Variants in FNDC3A observed in about 807,000 individuals in gnomAD.
FNDC3A encodes the protein fibronectin type-III domain-containing protein 3A.
A neutral mutation model predicts 148.9 loss-of-function variants in FNDC3A; 32 were observed. The observed-to-expected ratio is 0.21, with a 90% CI of 0.16 to 0.29. The LOEUF (loss-of-function observed/expected upper bound fraction) is 0.29, where lower values mean the gene tolerates loss of function less well. Among genes scored for constraint, FNDC3A ranks in the 10% least tolerant of loss-of-function variants. The pLI is 1.00. For missense variants in FNDC3A, 1,191 were observed against 1,452.8 expected (o/e 0.82, Z 2.93); for synonymous variants, 472 against 473.6 (o/e 1.00, Z 0.04).
chr13:49,105,076 C>A (rs1407752182), intron 3 of FNDC3A, among the ~76,000 whole-genome samples: 1 of 152,066 alleles, frequency 6.6e-6, no homozygotes, highest in East Asian at 1.9e-4. Context: ...AAAAACTCTT[C>A]CCAATCTATT....
intron 14 of FNDC3A, among the ~76,000 whole-genome samples, chr13:49,181,634 C>A (rs933356209): frequency 6.6e-6 from 1 of 152,138 alleles, no homozygotes; most frequent in Non-Finnish European, 1.5e-5. Context: ...ATCATTAAAT[C>A]CTATTGTTGT....
intron 1 of FNDC3A, among the ~76,000 whole-genome samples, chr13:48,995,515 G>T (rs1019341299): frequency 1.3e-5 from 2 of 152,168 alleles, no homozygotes; most frequent in Admixed American, 6.5e-5. Flanking sequence ...CATTGAAAAT[G>T]ATTAATAGCA....
chr13:49,002,586 A>G (rs1304943161), intron 1 of FNDC3A, among the ~76,000 whole-genome samples: 1 of 152,216 alleles, frequency 6.6e-6, no homozygotes, highest in Non-Finnish European at 1.5e-5. Flanking sequence ...AACTGCCTTC[A>G]TGCTTTGCCC....
At chr13:48,978,647 T>G (rs538422576) in intron 1 of FNDC3A, among the ~76,000 whole-genome samples, 10 of 149,336 alleles carry the variant, frequency 6.7e-5, no homozygotes, top group South Asian at 6.3e-4. Flanking sequence ...GTGTTTCTGG[T>G]TTTTTTTTGT....
At chr13:49,038,392 G>A (rs1005969249) in intron 2 of FNDC3A, among the ~76,000 whole-genome samples, 1 of 152,120 alleles carries the variant, frequency 6.6e-6, no homozygotes, top group Non-Finnish European at 1.5e-5. Flanking sequence ...AAGAGAGGGT[G>A]AGCCCTAATC....
chr13:49,139,380 T>G (rs1308524947), intron 7 of FNDC3A, among the ~76,000 whole-genome samples: 2 of 152,122 alleles, frequency 1.3e-5, no homozygotes, highest in Non-Finnish European at 2.9e-5. Context: ...TAAGAATATT[T>G]TTTGGTTCAT....
At chr13:49,156,628 C>A (rs1427264209) in intron 8 of FNDC3A, among the ~76,000 whole-genome samples, 1 of 151,176 alleles carries the variant, frequency 6.6e-6, no homozygotes, top group Non-Finnish European at 1.5e-5. Context: ...ATGGTCTTTA[C>A]ATTTTGGCAT....
intron 14 of FNDC3A, among the ~76,000 whole-genome samples, chr13:49,184,801 T>C (rs1029319280): frequency 5.3e-5 from 8 of 152,262 alleles, no homozygotes; most frequent in African/African-American, 1.9e-4. Context: ...GCGGTCCCAA[T>C]GGCCTGTAAT....
chr13:49,087,262 C>A (rs1374980121), intron 3 of FNDC3A, among the ~76,000 whole-genome samples: 1 of 151,920 alleles, frequency 6.6e-6, no homozygotes, highest in East Asian at 1.9e-4. Flanking sequence ...AAATTAGGAT[C>A]CAGAAAGATG....
intron 2 of FNDC3A, among the ~76,000 whole-genome samples, chr13:49,048,702 C>G (rs1273397922): frequency 6.6e-6 from 1 of 152,052 alleles, no homozygotes; most frequent in South Asian, 2.1e-4. Flanking sequence ...ATCTACAGTT[C>G]TAGGAGCTTT....
intron 1 of FNDC3A, among the ~76,000 whole-genome samples, chr13:49,005,594 T>A (rs1952205483): frequency 6.6e-6 from 1 of 151,950 alleles, no homozygotes; most frequent in South Asian, 2.1e-4. Flanking sequence ...GCTTGAAACT[T>A]CAAACTTGAA....
intron 3 of FNDC3A, among the ~76,000 whole-genome samples, chr13:49,089,379 A>T (rs1037860859): frequency 6.6e-6 from 1 of 152,214 alleles, no homozygotes; most frequent in Non-Finnish European, 1.5e-5. Context: ...AATGAATATG[A>T]TGAATGTTAC....
chr13:49,134,301 A>G (rs1182774925), intron 5 of FNDC3A, among the ~76,000 whole-genome samples: 2 of 152,188 alleles, frequency 1.3e-5, no homozygotes, highest in East Asian at 1.9e-4. Flanking sequence ...TTCATACAGT[A>G]TGTAGACTTT....
At chr13:49,030,884 G>A (rs930086808) in intron 2 of FNDC3A, among the ~76,000 whole-genome samples, 3 of 152,204 alleles carry the variant, frequency 2.0e-5, no homozygotes, top group African/African-American at 7.2e-5. Context: ...AGCATCTGAT[G>A]ATCATAGATC....
rs538490681 is a variant in FNDC3A, at chr13:49,097,648, G to A, written c.176-17007G>A. ...TTTTTGGGAGAACCTACAGCAGGAT[G>A]TGAACATTCTGTGCCAAGCCTCCAG... On this transcript the variant is annotated intron_variant, in intron 3 of 25. Transcript: ENST00000492622. Among the ~76,000 whole-genome samples, 29 of 152,188 alleles carry A rather than the reference G, an allele frequency of 1.9e-4. 1 individual carries two copies. The South Asian group carries it at 5.2e-3, about 27-fold the overall frequency.
intron 22 of FNDC3A, 23 bp downstream of exon 22, chr13:49,198,288 A>T: frequency 6.2e-7 from 1 of 1,610,898 alleles, no homozygotes; most frequent in South Asian, 1.1e-5. Context: ...AATTATGTTG[A>T]TTTTTGCCTA....
At chr13:49,105,014 A>G (rs1198819675) in intron 3 of FNDC3A, among the ~76,000 whole-genome samples, 2 of 152,224 alleles carry the variant, frequency 1.3e-5, no homozygotes, top group Non-Finnish European at 2.9e-5. Flanking sequence ...TAAACTAGGA[A>G]GAGTATATTT....
chr13:48,985,349 A>G (rs1050069352), intron 1 of FNDC3A, among the ~76,000 whole-genome samples: 7 of 152,208 alleles, frequency 4.6e-5, no homozygotes, highest in African/African-American at 7.2e-5. Flanking sequence ...GGCAGTATCT[A>G]TCCATTTCAA....
chr13:49,077,895 A>G (rs891276318), intron 3 of FNDC3A, among the ~76,000 whole-genome samples: 21 of 152,246 alleles, frequency 1.4e-4, no homozygotes, highest in African/African-American at 4.8e-4. Flanking sequence ...AAAAGAAACC[A>G]GGCAGTAGAA....
Sources: allele counts gnomAD v4.1 joint callset (sites outside exome capture counted in the v4.1 genomes callset), GRCh38; gene constraint gnomAD v4.1.1; transcripts MANE v1.5; gene names NCBI Gene and HGNC (gene_info 2026-07-23, HGNC 2026-07-21).